Variants in TNNI3K observed in about 807,000 individuals in gnomAD.
TNNI3K encodes the protein TNNI3 interacting kinase, also known as serine/threonine-protein kinase TNNI3K.
A neutral mutation model predicts 114.5 loss-of-function variants in TNNI3K; 140 were observed. That is an observed-to-expected ratio of 1.22 (90% confidence interval 1.07 to 1.41). TNNI3K has a LOEUF of 1.41. TNNI3K is among the 40% of genes most tolerant of loss of function. TNNI3K has a pLI of 0.00. For synonymous variants in TNNI3K, 347 were observed against 347.5 expected, an observed-to-expected ratio of 1.00 and a Z score of 0.02; for missense variants, 1,125 against 1,007.6, an observed-to-expected ratio of 1.12 and a Z score of -1.58.
chr1:74,458,109 T>A (rs1453765094), intron 20 of TNNI3K, among the ~76,000 whole-genome samples: 1 of 152,192 alleles, frequency 6.6e-6, no homozygotes, highest in African/African-American at 2.4e-5. Flanking sequence ...GCTACACTTG[T>A]TGAGAGCCAA....
chr1:74,424,831 G>A (rs1295284248), intron 17 of TNNI3K, among the ~76,000 whole-genome samples: 1 of 151,652 alleles, frequency 6.6e-6, no homozygotes, highest in Admixed American at 6.6e-5. Flanking sequence ...AATGTTTCTT[G>A]AGCTGCTATA....
intron 21 of TNNI3K, among the ~76,000 whole-genome samples, chr1:74,478,650 T>C (rs1284509378): frequency 6.6e-6 from 1 of 152,182 alleles, no homozygotes; most frequent in East Asian, 1.9e-4. Flanking sequence ...TATTAGAAAA[T>C]GAAAGGTTAC....
At chr1:74,534,776 T>G (rs998398181) in intron 23 of TNNI3K, among the ~76,000 whole-genome samples, 2 of 152,196 alleles carry the variant, frequency 1.3e-5, no homozygotes, top group Non-Finnish European at 2.9e-5. Context: ...GATTTCCTAG[T>G]GCCAGCCTTA....
At chr1:74,329,979 T>A (rs996295504) in intron 5 of TNNI3K, among the ~76,000 whole-genome samples, 3 of 152,006 alleles carry the variant, frequency 2.0e-5, no homozygotes, top group African/African-American at 4.8e-5. Flanking sequence ...TTTGAAAAAA[T>A]TTCAAAATGT....
intron 23 of TNNI3K, among the ~76,000 whole-genome samples, chr1:74,530,841 T>A (rs1206445035): frequency 6.6e-6 from 1 of 152,238 alleles, no homozygotes; most frequent in Non-Finnish European, 1.5e-5. Flanking sequence ...CTCTTAATGG[T>A]TTGCTCAGCT....
At chr1:74,402,507 A>C (rs1664417043) in intron 17 of TNNI3K, among the ~76,000 whole-genome samples, 1 of 152,250 alleles carries the variant, frequency 6.6e-6, no homozygotes, top group Admixed American at 6.5e-5. Context: ...ATGTGTAATT[A>C]TTACCCCTTC....
intron 17 of TNNI3K, among the ~76,000 whole-genome samples, chr1:74,404,870 T>G (rs1220485510): frequency 1.3e-5 from 2 of 152,240 alleles, no homozygotes; most frequent in African/African-American, 4.8e-5. Flanking sequence ...CAGAGCTCTG[T>G]TAACTGATTT....
At chr1:74,249,874 A>G (rs1226158024) in intron 3 of TNNI3K, among the ~76,000 whole-genome samples, 2 of 152,204 alleles carry the variant, frequency 1.3e-5, no homozygotes, top group African/African-American at 4.8e-5. Flanking sequence ...CCAAAATATC[A>G]TCAAGCAGTT....
At chr1:74,506,585 C>T (rs1669912936) in intron 23 of TNNI3K, among the ~76,000 whole-genome samples, 1 of 152,208 alleles carries the variant, frequency 6.6e-6, no homozygotes, top group South Asian at 2.1e-4. Context: ...GCTTGCTATT[C>T]AAGCTGTGAC....
chr1:74,441,843 T>C (rs1557567907), intron 20 of TNNI3K, among the ~76,000 whole-genome samples: 2 of 152,110 alleles, frequency 1.3e-5, no homozygotes, highest in African/African-American at 2.4e-5. Flanking sequence ...TCTTAGATTA[T>C]AGGGATTATA....
intron 21 of TNNI3K, among the ~76,000 whole-genome samples, chr1:74,476,125 T>G (rs1668194470): frequency 6.6e-6 from 1 of 152,166 alleles, no homozygotes; most frequent in South Asian, 2.1e-4. Flanking sequence ...TAACATTATT[T>G]TTTCGGTCTA....
intron 11 of TNNI3K, among the ~76,000 whole-genome samples, chr1:74,362,813 G>A (rs1662040710): frequency 6.6e-6 from 1 of 151,984 alleles, no homozygotes; most frequent in African/African-American, 2.4e-5. Context: ...CAAATTAAAG[G>A]GAAAGCACTG....
chr1:74,537,888 TG>T lies in TNNI3K; in HGVS notation c.2352-2345del, dbSNP rs1331930922. On this transcript the variant is annotated intron_variant, in intron 23 of 24. Transcript: ENST00000326637. ...TACTAAATTTCAGCAATGTTCAAAG[TG>T]CTTTAAATTTATTAACTCTTTTAAT... Among the ~76,000 whole-genome samples the T allele has an allele frequency of 2.6e-5, 4 of 152,336 alleles. No individual in the cohort carries two copies. In the South Asian group the frequency reaches 8.3e-4, roughly 32 times the overall value.
intron 23 of TNNI3K, among the ~76,000 whole-genome samples, chr1:74,535,775 T>TTTG (rs1216733209): frequency 1.3e-5 from 2 of 152,316 alleles, no homozygotes; most frequent in Non-Finnish European, 2.9e-5. Flanking sequence ...ACCTTCACCA[T>TTTG]TTGAAGACTG....
chr1:74,486,231 G>GAGAGAC (rs1265372060), intron 21 of TNNI3K, among the ~76,000 whole-genome samples: 1 of 150,666 alleles, frequency 6.6e-6, no homozygotes, highest in Admixed American at 6.6e-5. Flanking sequence ...GAGAGAGAGA[G>GAGAGAC]AGGTGGGAAA....
intron 23 of TNNI3K, among the ~76,000 whole-genome samples, chr1:74,520,025 T>G (rs1427373897): frequency 3.3e-5 from 5 of 152,198 alleles, no homozygotes; most frequent in African/African-American, 1.2e-4. Context: ...TTCCATAAGT[T>G]TTTGGGGAAC....
chr1:74,444,507 A>G (rs943977901), intron 20 of TNNI3K, among the ~76,000 whole-genome samples: 4 of 152,290 alleles, frequency 2.6e-5, no homozygotes, highest in South Asian at 2.1e-4. Context: ...GGAGAACTAC[A>G]AACCACTGCT....
chr1:74,468,731 C>T (rs1667781810), intron 21 of TNNI3K, among the ~76,000 whole-genome samples: 1 of 151,904 alleles, frequency 6.6e-6, no homozygotes, highest in Non-Finnish European at 1.5e-5. Flanking sequence ...GATGTATAGA[C>T]CTAGACAGGT....
At chr1:74,372,481 A>G (rs1004084745) in intron 17 of TNNI3K, 57 of 152,060 alleles carry the variant, frequency 3.7e-4, no homozygotes, top group African/African-American at 1.3e-3. Flanking sequence ...ATAATTATTT[A>G]CTAGTTTTCA....
Sources: gnomAD v4.1 joint callset for allele counts (sites outside exome capture counted in the v4.1 genomes callset) on GRCh38, gnomAD v4.1.1 for gene constraint, MANE v1.5 for transcripts, NCBI Gene and HGNC (gene_info 2026-07-23, HGNC 2026-07-21) for gene names.